Variants in RNGTT observed in about 807,000 individuals in gnomAD.
RNGTT encodes the protein mRNA-capping enzyme.
Under a neutral mutation model 79.3 loss-of-function variants are expected in RNGTT, and 33 were observed. The observed-to-expected ratio is 0.42, with a 90% CI of 0.32 to 0.56. The LOEUF (loss-of-function observed/expected upper bound fraction) is 0.56. RNGTT is among the 20% of genes least tolerant of loss of function. The pLI is 0.17. For synonymous variants in RNGTT, 222 were observed against 235.9 expected (o/e 0.94, Z 0.54); for missense variants, 497 against 739.1 (o/e 0.67, Z 3.80).
chr6:88,910,711 T>C lies in RNGTT; in HGVS notation c.368-4271A>G, dbSNP rs11751022. Among the ~76,000 whole-genome samples, 1,156 of 152,224 alleles carry C rather than the reference T, an allele frequency of 7.6e-3. 18 individuals are homozygous for C. The highest frequency in any genetic ancestry group is 0.028 in the Admixed American group (429 of 15,280). On this transcript the variant is annotated intron_variant, in intron 4 of 15. Transcript: ENST00000369485. ...GTCATCAGACTTTCCAAGGTCTATG[T>C]AAAAGAAAAAATCTTAAAGACAACT...
chr6:88,690,219 G>A (rs776691588), intron 13 of RNGTT, among the ~76,000 whole-genome samples: 2 of 152,010 alleles, frequency 1.3e-5, no homozygotes, highest in Admixed American at 6.6e-5. Flanking sequence ...TATTATTGGG[G>A]AAACTGGCAA....
At chr6:88,911,996 T>G (rs1452358542) in intron 4 of RNGTT, among the ~76,000 whole-genome samples, 1 of 151,898 alleles carries the variant, frequency 6.6e-6, no homozygotes, top group African/African-American at 2.4e-5. Context: ...GGTGGGAGGA[T>G]TGCTTGAACC....
chr6:88,766,231 AG>A (rs1778456491), intron 13 of RNGTT, among the ~76,000 whole-genome samples: 1 of 152,146 alleles, frequency 6.6e-6, no homozygotes, highest in Non-Finnish European at 1.5e-5. Context: ...GAGATAACCT[AG>A]GCAGTCCAGC....
At chr6:88,764,710 T>C (rs1349840653) in intron 13 of RNGTT, among the ~76,000 whole-genome samples, 2 of 152,178 alleles carry the variant, frequency 1.3e-5, no homozygotes, top group Non-Finnish European at 2.9e-5. Flanking sequence ...AATACAACTA[T>C]GTAGAAGACA....
At chr6:88,640,007 T>C (rs1426413145) in intron 14 of RNGTT, among the ~76,000 whole-genome samples, 1 of 152,166 alleles carries the variant, frequency 6.6e-6, no homozygotes, top group Non-Finnish European at 1.5e-5. Flanking sequence ...CTAGCTACCC[T>C]TGCTCTCCAT....
intron 12 of RNGTT, among the ~76,000 whole-genome samples, chr6:88,775,790 C>T (rs1304134629): frequency 1.3e-5 from 2 of 152,294 alleles, no homozygotes; most frequent in African/African-American, 4.8e-5. Flanking sequence ...TGAAATCACA[C>T]ACCATTTCTC....
At chr6:88,794,947 G>A (rs1321606933) in intron 12 of RNGTT, among the ~76,000 whole-genome samples, 3 of 152,148 alleles carry the variant, frequency 2.0e-5, no homozygotes, top group African/African-American at 7.2e-5. Context: ...GGTGGCCTCA[G>A]AATGAGAACA....
intron 11 of RNGTT, among the ~76,000 whole-genome samples, chr6:88,811,979 C>A (rs915089678): frequency 1.3e-5 from 2 of 152,024 alleles, no homozygotes; most frequent in Non-Finnish European, 2.9e-5. Context: ...GTTTTCAATC[C>A]CAAATTCTAA....
At chr6:88,621,016 A>G (rs1287803345) in intron 14 of RNGTT, among the ~76,000 whole-genome samples, 1 of 152,214 alleles carries the variant, frequency 6.6e-6, no homozygotes, top group Non-Finnish European at 1.5e-5. Flanking sequence ...TTTGGACATA[A>G]ACACTTAGTT....
chr6:88,683,407 T>G (rs966435015), intron 13 of RNGTT, among the ~76,000 whole-genome samples: 1 of 151,788 alleles, frequency 6.6e-6, no homozygotes, highest in South Asian at 2.1e-4. Flanking sequence ...AAGAAAAAAA[T>G]AGAAAATCTT....
chr6:88,907,572 C>A (rs1472237094), intron 4 of RNGTT, among the ~76,000 whole-genome samples: 1 of 152,116 alleles, frequency 6.6e-6, no homozygotes, highest in Non-Finnish European at 1.5e-5. Flanking sequence ...TCATAAATTA[C>A]CCATTCTCGA....
In RNGTT at chr6:88,677,772, C is replaced by T. The variant is rs544440946; in HGVS notation, c.1506+581G>A. ...TAGTGCAGGCATGAGCCACCGTACC[C>T]GACTTGTAAACATTTTTTTAATGGC... On this transcript the variant is annotated intron_variant, in intron 14 of 15. Transcript: ENST00000369485. Among the ~76,000 whole-genome samples, 26 of 152,060 alleles carry T rather than the reference C, an allele frequency of 1.7e-4. 1 individual carries two copies. Among genetic ancestry groups the T allele is most frequent in the Admixed American group, 4.6e-4 (7 of 15,260 alleles).
chr6:88,842,978 G>A (rs1317052519), intron 11 of RNGTT, among the ~76,000 whole-genome samples: 1 of 152,078 alleles, frequency 6.6e-6, no homozygotes, highest in African/African-American at 2.4e-5. Context: ...GGTAGGCTGA[G>A]GTGGGAGGAT....
chr6:88,844,349 A>C lies in RNGTT; in HGVS notation c.1269+8T>G. On this transcript the variant is annotated splice_region_variant and intron_variant, in intron 11 of 15. Coordinates refer to ENST00000369485, the MANE Select transcript of RNGTT (RefSeq NM_003800.5). ...TTAGCACTAATTTAAAAAAAAATTA[A>C]ACTTTACCTTTCTTGAAGTACAGAT... 6.2e-7 allele frequency: 1 copy of C among 1,606,180 alleles called. No homozygotes were observed. Among genetic ancestry groups the C allele is most frequent in the Non-Finnish European group, 8.5e-7 (1 of 1,177,636 alleles).
rs116531027 is a variant in RNGTT at position 88,758,758 on chromosome 6, G to T, written c.1439+11016C>A. 2.1e-3 allele frequency among the ~76,000 whole-genome samples: 321 copies of T among 152,228 alleles called. 1 individual carries two copies. The highest frequency in any genetic ancestry group is 6.8e-3 in the Middle Eastern group (2 of 294). On this transcript the variant is annotated intron_variant, in intron 13 of 15. Transcript: ENST00000369485. ...CTCTCTAGTCTATTATTTTGCCCTT[G>T]CAAGTTATAAGCAATCCACAGAAAG...
At chr6:88,750,796 C>A (rs987370655) in intron 13 of RNGTT, among the ~76,000 whole-genome samples, 5 of 152,246 alleles carry the variant, frequency 3.3e-5, no homozygotes, top group East Asian at 1.9e-4. Flanking sequence ...TTCTCTGGAA[C>A]CTTCTTGGTC....
chr6:88,625,783 T>TA (rs575914804), intron 14 of RNGTT, among the ~76,000 whole-genome samples: 10 of 151,034 alleles, frequency 6.6e-5, no homozygotes, highest in African/African-American at 2.2e-4. Flanking sequence ...ACAGGTCAGT[T>TA]AAAAAAAAAG....
At chr6:88,891,318 A>G (rs1318649220) in intron 7 of RNGTT, among the ~76,000 whole-genome samples, 1 of 152,172 alleles carries the variant, frequency 6.6e-6, no homozygotes, top group Non-Finnish European at 1.5e-5. Flanking sequence ...ATCAGCAGAA[A>G]TGACCACAGG....
intron 14 of RNGTT, among the ~76,000 whole-genome samples, chr6:88,648,436 C>T (rs1773661131): frequency 6.6e-6 from 1 of 151,486 alleles, no homozygotes; most frequent in Non-Finnish European, 1.5e-5. Context: ...AACAAACTTG[C>T]ACATTGTGCA....
Sources: gnomAD v4.1 joint callset for allele counts (sites outside exome capture counted in the v4.1 genomes callset) on GRCh38, gnomAD v4.1.1 for gene constraint, MANE v1.5 for transcripts, NCBI Gene and HGNC (gene_info 2026-07-23, HGNC 2026-07-21) for gene names.